The following TMTC3 variants were observed in gnomAD, a reference collection of about 807,000 sequenced individuals.
TMTC3 encodes the protein protein O-mannosyl-transferase TMTC3.
TMTC3 carries 52 observed loss-of-function variants against 92.2 expected under a neutral mutation model. That is an observed-to-expected ratio of 0.56 (90% CI 0.45 to 0.71). The LOEUF (loss-of-function observed/expected upper bound fraction) is 0.71. TMTC3 is among the 30% of genes least tolerant of loss of function. The pLI is 0.00. For missense variants in TMTC3, 896 were observed against 1,057.1 expected, an observed-to-expected ratio of 0.85 and a Z score of 2.11; for synonymous variants, 339 against 363.3, an observed-to-expected ratio of 0.93 and a Z score of 0.76.
chr12:88,199,029 A>G lies in TMTC3; in HGVS notation c.*3380A>G, dbSNP rs2041549882. On this transcript the variant is annotated 3_prime_UTR_variant, in exon 14 of 14. Transcript: ENST00000266712. ...TATTAAATTGGTACTTCTTAAAACC[A>G]TAACCTGGCTTGCCTTTTAGTGTTA... 1 of 125,424 alleles carries G rather than the reference A, an allele frequency of 8.0e-6. No homozygotes were observed. The highest frequency in any genetic ancestry group is 2.8e-5 in the African/African-American group (1 of 35,758). 7.8% of individuals were successfully genotyped at this position (125,424 alleles called of 1,614,324 possible).
At chr12:88,151,431 T>C (rs1338887549) in intron 2 of TMTC3, among the ~76,000 whole-genome samples, 1 of 152,222 alleles carries the variant, frequency 6.6e-6, no homozygotes, top group African/African-American at 2.4e-5. Flanking sequence ...TAATTTTTTC[T>C]TTAATATGCC....
Position 88,166,386 on chromosome 12 carries a change from A to T in TMTC3, c.854A>T (p.Tyr285Phe). 1 of 1,613,552 alleles carries T rather than the reference A, an allele frequency of 6.2e-7. No homozygotes were observed. Among genetic ancestry groups the T allele is most frequent in the Non-Finnish European group, 8.5e-7 (1 of 1,179,842 alleles). Reference sequence around the variant, plus strand: ...CCTACAAGGCAACTAACTTTTAACTACCTCCTTCCTGTGAATGCTTGGTTG... The same window carrying T: ...CCTACAAGGCAACTAACTTTTAACTTCCTCCTTCCTGTGAATGCTTGGTTG... ...PTPTRQLTFN[Y>F]LLPVNAWLLL... is the part of the protein sequence containing the mutation. Residue 285 changes from tyrosine (Y) to phenylalanine (F), a missense_variant, in exon 7 of 14, where the codon TAC (tyrosine) becomes TTC (phenylalanine). Tyr to Phe is a conservative substitution (Grantham distance 22). Coordinates refer to ENST00000266712, the MANE Select transcript of TMTC3 (RefSeq NM_181783.4).
chr12:88,190,049 A>C (rs1243033971), intron 11 of TMTC3, among the ~76,000 whole-genome samples: 1 of 152,150 alleles, frequency 6.6e-6, no homozygotes, highest in East Asian at 1.9e-4. Context: ...TGAGGACATA[A>C]GACTATGCCA....
chr12:88,190,580 C>T lies in TMTC3; in HGVS notation c.1664C>T (p.Ala555Val), dbSNP rs151189566. The T allele has an allele frequency of 4.1e-5, 66 of 1,613,776 alleles. No homozygotes were observed. In the African/African-American group the frequency reaches 8.5e-4, roughly 21 times the overall value. ...GAAGCAGATCAGCTGTACCGTCAAG[C>T]AATAAGCATGAGGCCCGACTTCAAG... ...LEEADQLYRQ[A>V]ISMRPDFKQA... Residue 555 changes from alanine to valine, a missense_variant, in exon 12 of 14, where the codon GCA (alanine) becomes GTA (valine). Ala to Val is a moderately conservative substitution (Grantham distance 64, BLOSUM62 0). Coordinates refer to ENST00000266712, the MANE Select transcript of TMTC3 (RefSeq NM_181783.4).
At position 88,153,383 on chromosome 12, in the gene TMTC3, C is replaced by A. The variant is rs1219768483; in HGVS notation, c.282C>A (p.Leu94=). ...AACTAAAACCAATGTCATATCATCT[C>A]CTGAATATGATTTTTCATGCTGTGG... ...LSELKPMSYH[L]LNMIFHAVVS... Residue 94 remains leucine, a synonymous_variant, in exon 3 of 14, where the codon CTC becomes CTA. Transcript: ENST00000266712. The A allele has an allele frequency of 3.7e-6, 6 of 1,612,560 alleles. No individual in the cohort carries two copies. The African/African-American group carries it at 8.0e-5, about 22-fold the overall frequency.
intron 6 of TMTC3, 142 bp downstream of exon 6, chr12:88,160,993 T>A: frequency 1.2e-6 from 1 of 809,408 alleles, no homozygotes; most frequent in Non-Finnish European, 1.9e-6. Flanking sequence ...ACTGCATATA[T>A]TTAAAATTTA....
At chr12:88,170,035 C>G (rs1456821780) in intron 7 of TMTC3, among the ~76,000 whole-genome samples, 30 of 152,092 alleles carry the variant, frequency 2.0e-4, no homozygotes, top group Non-Finnish European at 2.4e-4. Flanking sequence ...GCAGATTTGT[C>G]TCGAACTCTT....
chr12:88,192,692 C>G lies in TMTC3; in HGVS notation c.1795C>G (p.Leu599Val). The change falls in exon 13 of 14, where the codon CTT becomes GTT. Residue 599 changes from leucine to valine, a missense_variant. Physicochemically the swap from Leu to Val is conservative, Grantham distance 32 (BLOSUM62 1). Coordinates refer to ENST00000266712, the MANE Select transcript of TMTC3 (RefSeq NM_181783.4). Reference sequence around the variant, plus strand: ...AGAGCTGGACAGAAATAATGCAGATCTTTGGTACAACTTGGCAATTGTACA... The same window carrying G: ...AGAGCTGGACAGAAATAATGCAGATGTTTGGTACAACTTGGCAATTGTACA... ...ALELDRNNAD[L>V]WYNLAIVHIE... is the part of the protein sequence containing the mutation. 1 of 1,613,438 alleles carries G rather than the reference C, an allele frequency of 6.2e-7. No homozygotes were observed. Among genetic ancestry groups the G allele is most frequent in the Non-Finnish European group, 8.5e-7 (1 of 1,179,634 alleles).
chr12:88,197,654 G>T lies in TMTC3; in HGVS notation c.*2005G>T, dbSNP rs1440930139. On this transcript the variant is annotated 3_prime_UTR_variant, in exon 14 of 14. Coordinates refer to ENST00000266712, the MANE Select transcript of TMTC3 (RefSeq NM_181783.4). ...TAAAAATGTATCAATGTTATCCAAT[G>T]ATTTTTATTAAAAAATTACCTTATT... The T allele has an allele frequency of 1.3e-5, 2 of 151,722 alleles. No homozygotes were observed. The highest frequency in any genetic ancestry group is 2.4e-5 in the African/African-American group (1 of 41,360). 9.4% of individuals were successfully genotyped at this position (151,722 alleles called of 1,614,324 possible).
At chr12:88,184,841 A>G (rs1412822728) in intron 10 of TMTC3, among the ~76,000 whole-genome samples, 3 of 152,148 alleles carry the variant, frequency 2.0e-5, no homozygotes, top group African/African-American at 7.2e-5. Flanking sequence ...GCACATGTGT[A>G]TTTATATGAA....
At chr12:88,153,875 T>G (rs1565943938) in intron 3 of TMTC3, among the ~76,000 whole-genome samples, 1 of 152,056 alleles carries the variant, frequency 6.6e-6, no homozygotes, top group Non-Finnish European at 1.5e-5. Context: ...AGATTTATTA[T>G]GAGATGTAAC....
At chr12:88,158,880 C>T (rs146360481) in intron 4 of TMTC3, among the ~76,000 whole-genome samples, 3,748 of 151,644 alleles carry the variant, frequency 0.025, 162 homozygotes, top group East Asian at 0.14. Flanking sequence ...GGAGAAATCC[C>T]GTCTCTACTA....
intron 2 of TMTC3, 84 bp downstream of exon 2, chr12:88,148,588 C>T (rs2040904073): frequency 1.0e-6 from 1 of 997,806 alleles, no homozygotes; most frequent in Non-Finnish European, 1.4e-6. Flanking sequence ...TCTTTATCAA[C>T]ATTATCATCA....
chr12:88,181,369 A>C (rs1216655221), intron 10 of TMTC3, among the ~76,000 whole-genome samples: 1 of 152,144 alleles, frequency 6.6e-6, no homozygotes, highest in Non-Finnish European at 1.5e-5. Flanking sequence ...GAAGGAGGAG[A>C]CATGCCTGTG....
chr12:88,146,524 G>A (rs2040875893), intron 1 of TMTC3, among the ~76,000 whole-genome samples: 1 of 150,982 alleles, frequency 6.6e-6, no homozygotes, highest in African/African-American at 2.4e-5. Context: ...CAAGCCACTG[G>A]ATAACTATAA....
chr12:88,143,228 A>G (rs2040793173), intron 1 of TMTC3, among the ~76,000 whole-genome samples: 1 of 152,048 alleles, frequency 6.6e-6, no homozygotes, highest in African/African-American at 2.4e-5. Flanking sequence ...CCTTTCGAAA[A>G]TAAGTAATGA....
chr12:88,194,400 TATACAAC>T (rs1205340813), intron 13 of TMTC3, among the ~76,000 whole-genome samples: 2 of 152,176 alleles, frequency 1.3e-5, no homozygotes, highest in Non-Finnish European at 1.5e-5. Context: ...ATTTTTTCGA[TATACAAC>T]ATACAATTAT....
At chr12:88,158,164 A>T (rs899106752) in intron 4 of TMTC3, among the ~76,000 whole-genome samples, 2 of 152,234 alleles carry the variant, frequency 1.3e-5, no homozygotes, top group African/African-American at 2.4e-5. Flanking sequence ...AATATATGCC[A>T]AACTGGCTAT....
chr12:88,170,079 C>A (rs2041188402), intron 7 of TMTC3, among the ~76,000 whole-genome samples: 1 of 152,146 alleles, frequency 6.6e-6, no homozygotes, highest in African/African-American at 2.4e-5. Flanking sequence ...CATTTAAGGA[C>A]AGTTTATGCT....
Sources: allele counts gnomAD v4.1 joint callset (sites outside exome capture counted in the v4.1 genomes callset), GRCh38; gene constraint gnomAD v4.1.1; transcripts MANE v1.5; gene names NCBI Gene and HGNC (gene_info 2026-07-23, HGNC 2026-07-21).